The following CCDC149 variants were observed in gnomAD, a reference collection of about 807,000 sequenced individuals.
The protein encoded by CCDC149 is coiled-coil domain containing 149, also known as coiled-coil domain-containing protein 149.
CCDC149 carries 45 observed loss-of-function variants against 59.9 expected under a neutral mutation model. The ratio of observed to expected loss-of-function variants is 0.75; its 90% CI spans 0.59 to 0.96. The LOEUF (loss-of-function observed/expected upper bound fraction) is 0.96. Among genes scored for constraint, CCDC149 ranks in the 40% least tolerant of loss-of-function variants. The probability of loss-of-function intolerance (pLI) is 0.00; values close to 1 mark genes in which losing one functional copy is unlikely to be tolerated. For missense variants in CCDC149, 584 were observed against 664.7 expected (o/e 0.88, Z 1.33); for synonymous variants, 245 against 260.6 (o/e 0.94, Z 0.58).
At chr4:24,825,713 T>A (rs1332828040) in intron 9 of CCDC149, among the ~76,000 whole-genome samples, 1 of 149,736 alleles carries the variant, frequency 6.7e-6, no homozygotes, top group Non-Finnish European at 1.5e-5. Flanking sequence ...GCAGAGCTTG[T>A]AGTGAGCCGA....
intron 1 of CCDC149, among the ~76,000 whole-genome samples, chr4:24,881,137 G>A (rs1033462504): frequency 6.6e-6 from 1 of 152,232 alleles, no homozygotes; most frequent in African/African-American, 2.4e-5. Context: ...CACTTGGTGG[G>A]ACAGGGTGCT....
intron 3 of CCDC149, among the ~76,000 whole-genome samples, chr4:24,855,620 C>T (rs1717956195): frequency 1.2e-5 from 1 of 84,968 alleles, no homozygotes. Flanking sequence ...AAACATTCAT[C>T]CCCTTTGGCT....
At chr4:24,854,390 C>A (rs536333787) in intron 3 of CCDC149, among the ~76,000 whole-genome samples, 1 of 152,128 alleles carries the variant, frequency 6.6e-6, no homozygotes, top group Admixed American at 6.5e-5. Flanking sequence ...GCTCAGGTAC[C>A]GACAAGTGTT....
intron 1 of CCDC149, among the ~76,000 whole-genome samples, chr4:24,926,807 T>C (rs1239160859): frequency 6.6e-6 from 1 of 152,156 alleles, no homozygotes; most frequent in African/African-American, 2.4e-5. Context: ...GTCTGAAGGT[T>C]TCTTCAATCG....
At chr4:24,809,290 A>G (rs1222096110) in intron 12 of CCDC149, among the ~76,000 whole-genome samples, 8 of 152,232 alleles carry the variant, frequency 5.3e-5, no homozygotes, top group Non-Finnish European at 4.4e-5. Flanking sequence ...ATTCTCCATC[A>G]GCATCTCATT....
chr4:24,931,845 A>ATATATATATATATATATATATATATC, intron 1 of CCDC149, among the ~76,000 whole-genome samples: 1 of 134,586 alleles, frequency 7.4e-6, no homozygotes, highest in African/African-American at 2.8e-5. Context: ...ATATATATAT[A>ATATATATATATATATATATATATATC]TATATATGCA....
intron 1 of CCDC149, among the ~76,000 whole-genome samples, chr4:24,911,171 C>T (rs1454555708): frequency 3.9e-5 from 6 of 152,158 alleles, no homozygotes; most frequent in Non-Finnish European, 5.9e-5. Flanking sequence ...ACAAAGCACA[C>T]GGCCTAGTGA....
intron 3 of CCDC149, among the ~76,000 whole-genome samples, chr4:24,867,895 A>C (rs915525855): frequency 2.2e-4 from 34 of 152,232 alleles, no homozygotes; most frequent in Non-Finnish European, 5.0e-4. Context: ...CACAGCTTCA[A>C]GGCCAGTGGG....
At chr4:24,893,612 A>ATTTTTTTTTTTTTTTTTTT (rs1560241640) in intron 1 of CCDC149, among the ~76,000 whole-genome samples, 1 of 9,384 alleles carries the variant, frequency 1.1e-4, no homozygotes, top group Non-Finnish European at 2.3e-4. Flanking sequence ...TAAAATACAG[A>ATTTTTTTTTTTTTTTTTTT]CTTTTTTTTT....
chr4:24,822,345 T>G (rs934264985), intron 10 of CCDC149, among the ~76,000 whole-genome samples, 152 bp downstream of exon 10: 25 of 152,112 alleles, frequency 1.6e-4, no homozygotes. Context: ...TTTAGAACAC[T>G]TGTAGATTTT....
chr4:24,963,861 G>T (rs1458845826), intron 1 of CCDC149, among the ~76,000 whole-genome samples: 1 of 152,170 alleles, frequency 6.6e-6, no homozygotes, highest in Non-Finnish European at 1.5e-5. Context: ...GCAAAGAAAT[G>T]ATTTATAAAA....
At chr4:24,810,324 T>A (rs1468327608) in intron 12 of CCDC149, among the ~76,000 whole-genome samples, 1 of 152,196 alleles carries the variant, frequency 6.6e-6, no homozygotes, top group Non-Finnish European at 1.5e-5. Flanking sequence ...AATGGAAGTA[T>A]AATATACACA....
intron 8 of CCDC149, 80 bp from the exon 9 acceptor site, chr4:24,831,730 GATA>G: frequency 7.6e-7 from 1 of 1,308,492 alleles, no homozygotes; most frequent in South Asian, 1.4e-5. Flanking sequence ...ATCCTTCTTG[GATA>G]ATGATATGTC....
At chr4:24,836,642 AG>A in intron 6 of CCDC149, 134 bp from the exon 7 acceptor site, 1 of 603,402 alleles carries the variant, frequency 1.7e-6, no homozygotes, top group Non-Finnish European at 3.0e-6. Context: ...CCTGCTCACC[AG>A]AGAGGAGAAA....
intron 12 of CCDC149, 91 bp downstream of exon 12, chr4:24,819,768 A>T: frequency 1.1e-6 from 1 of 888,896 alleles, no homozygotes. Context: ...CAGCAGCACA[A>T]AGGGGAAGGG....
chr4:24,808,153 A>G lies in CCDC149; in HGVS notation c.*236T>C. 2.8e-6 allele frequency: 1 copy of G among 363,464 alleles called. No homozygotes were observed. The allele number at this position is 363,464 out of a possible 1,614,324, so 22.5% of individuals were successfully genotyped here. The stretch of plus-strand genomic sequence containing the variant: ...TCCTGGGCCTGGCCCTGTTCACAGT[A>G]GCACTCTCTGGCAGAAAAGAGATGA... On this transcript the variant is annotated 3_prime_UTR_variant, in exon 13 of 13. Transcript: ENST00000635206.
At chr4:24,820,817 G>A (rs1715343235) in intron 11 of CCDC149, among the ~76,000 whole-genome samples, 1 of 152,124 alleles carries the variant, frequency 6.6e-6, no homozygotes. Flanking sequence ...TCTATGTGGA[G>A]ACCAGAGATA....
intron 12 of CCDC149, among the ~76,000 whole-genome samples, chr4:24,819,391 G>C (rs571008595): frequency 1.3e-5 from 2 of 152,250 alleles, no homozygotes; most frequent in Non-Finnish European, 2.9e-5. Flanking sequence ...GCACAATCTT[G>C]GCTCACTGCA....
intron 2 of CCDC149, among the ~76,000 whole-genome samples, chr4:24,875,286 C>T (rs1000409939): frequency 6.6e-6 from 1 of 150,598 alleles, no homozygotes; most frequent in African/African-American, 2.5e-5. Context: ...GCCAAGATCC[C>T]GCCACTGCAC....
Sources: allele counts gnomAD v4.1 joint callset (sites outside exome capture counted in the v4.1 genomes callset), GRCh38; gene constraint gnomAD v4.1.1; transcripts MANE v1.5; gene names NCBI Gene and HGNC (gene_info 2026-07-23, HGNC 2026-07-21).